Variants in ARHGAP26 observed in about 807,000 individuals in gnomAD.
The protein encoded by ARHGAP26 is Rho GTPase activating protein 26.
A neutral mutation model predicts 104.8 loss-of-function variants in ARHGAP26; 38 were observed. The observed-to-expected ratio is 0.36, with a 90% confidence interval of 0.28 to 0.48. The LOEUF (loss-of-function observed/expected upper bound fraction) is 0.48, where lower values mean the gene tolerates loss of function less well. Among genes scored for constraint, ARHGAP26 ranks in the 20% least tolerant of loss-of-function variants. ARHGAP26 has a pLI of 0.99. For missense variants in ARHGAP26, 704 were observed against 947.9 expected, an observed-to-expected ratio of 0.74 and a Z score of 3.38; for synonymous variants, 341 against 340.0, an observed-to-expected ratio of 1.00 and a Z score of -0.03.
At chr5:142,772,908 T>C in intron 1 of ARHGAP26, 1 of 533,388 alleles carries the variant, frequency 1.9e-6, no homozygotes. Flanking sequence ...AAGAATTCTT[T>C]GGTAGGAAGA....
intron 1 of ARHGAP26, among the ~76,000 whole-genome samples, chr5:142,808,084 A>C (rs1597710698): frequency 6.6e-6 from 1 of 151,818 alleles, no homozygotes; most frequent in Admixed American, 6.6e-5. Flanking sequence ...AAATACAAAA[A>C]ATTAGCCAGG....
rs1036748581 is a variant in ARHGAP26, at chr5:143,228,784, C to G, written c.*6338C>G. Reference sequence around the variant, plus strand: ...TCCAATGCTGTAATTAGAAAGTAATCTGTGACTAGAATAGACCTTTGTCCC... The same window carrying G: ...TCCAATGCTGTAATTAGAAAGTAATGTGTGACTAGAATAGACCTTTGTCCC... On this transcript the variant is annotated 3_prime_UTR_variant, in exon 23 of 23. Coordinates refer to ENST00000645722, the MANE Select transcript of ARHGAP26 (RefSeq NM_001135608.3). 1 of 196,828 alleles carries G rather than the reference C, an allele frequency of 5.1e-6. No homozygotes were observed. Among genetic ancestry groups the G allele is most frequent in the African/African-American group, 2.3e-5 (1 of 43,406 alleles). The allele number at this position is 196,828 out of a possible 1,614,324, so 12.2% of individuals were successfully genotyped here.
At chr5:142,824,189 C>G (rs1335490487) in intron 1 of ARHGAP26, among the ~76,000 whole-genome samples, 1 of 152,124 alleles carries the variant, frequency 6.6e-6, no homozygotes, top group Non-Finnish European at 1.5e-5. Context: ...TGCTCTGTGT[C>G]TTAACAGCTG....
At chr5:143,012,577 T>TATATATATATATATATATATATATATAAA (rs1554195775) in intron 11 of ARHGAP26, among the ~76,000 whole-genome samples, 1 of 19,088 alleles carries the variant, frequency 5.2e-5, no homozygotes, top group South Asian at 1.0e-3. Context: ...ATATATATAT[T>TATATATATATATATATATATATATATAAA]ATGATCAGGT....
intron 10 of ARHGAP26, among the ~76,000 whole-genome samples, chr5:142,914,986 T>A (rs1762291276): frequency 6.6e-6 from 1 of 152,234 alleles, no homozygotes; most frequent in African/African-American, 2.4e-5. Context: ...GAGGGCATGC[T>A]TTGTGTTGCA....
chr5:142,829,374 A>G (rs904238863), intron 1 of ARHGAP26, among the ~76,000 whole-genome samples: 2 of 152,248 alleles, frequency 1.3e-5, no homozygotes, highest in African/African-American at 4.8e-5. Flanking sequence ...GTCAATAGGA[A>G]TGAACCTCAT....
Position 143,040,635 on chromosome 5 carries a change from A to G in ARHGAP26, c.1211-1181A>G, listed in dbSNP as rs964632052. Among the ~76,000 whole-genome samples, 112 of 152,246 alleles carry G rather than the reference A, an allele frequency of 7.4e-4. 1 individual carries two copies. The highest frequency in any genetic ancestry group is 2.4e-3 in the African/African-American group (100 of 41,466). ...CTGCTATAAAGAAAGAAAACAGGGT[A>G]AGGGAATGACCAGTAATGTTGATTG... is the stretch of plus-strand genomic sequence containing the variant. On this transcript the variant is annotated intron_variant, in intron 13 of 22. Transcript: ENST00000645722.
rs1234506984 is a variant in ARHGAP26 at position 142,812,246 on chromosome 5, T to C, written c.154+41331T>C. Among the ~76,000 whole-genome samples, 4 of 152,300 alleles carry C rather than the reference T, an allele frequency of 2.6e-5. 1 individual carries two copies. The highest frequency in any genetic ancestry group is 5.9e-5 in the Non-Finnish European group (4 of 68,026). ...ACTCACTGTAGCATGGTTGGTCTAA[T>C]ACAGAGGTATTTTTTCATATTTTTA... On this transcript the variant is annotated intron_variant, in intron 1 of 22. Coordinates refer to ENST00000645722, the MANE Select transcript of ARHGAP26 (RefSeq NM_001135608.3).
At chr5:142,901,179 G>A (rs59669579) in intron 6 of ARHGAP26, among the ~76,000 whole-genome samples, 62 of 148,890 alleles carry the variant, frequency 4.2e-4, no homozygotes, top group African/African-American at 1.5e-3. Context: ...GACATTAATA[G>A]TTTTTAAGTA....
In ARHGAP26 at chr5:142,885,362, A is replaced by G. The variant is rs781534570; in HGVS notation, c.449A>G (p.Asn150Ser). 1.2e-6 allele frequency: 2 copies of G among 1,613,810 alleles called. No individual in the cohort carries two copies. The highest frequency in any genetic ancestry group is 2.2e-5 in the South Asian group (2 of 91,042). The change falls in exon 5 of 23, where the codon AAT (asparagine) becomes AGT (serine). Residue 150 changes from asparagine to serine, a missense_variant. Coordinates refer to ENST00000645722, the MANE Select transcript of ARHGAP26 (RefSeq NM_001135608.3). Reference protein sequence around the residue: ...KYCGILEKHLNLSSKKKESQL... With the variant: ...KYCGILEKHLSLSSKKKESQL... Reference sequence around the variant, plus strand: ...TGTGGCATCTTAGAAAAACACTTGAATTTGTCTTCCAAAAAGAAAGAATCT... The same window carrying G: ...TGTGGCATCTTAGAAAAACACTTGAGTTTGTCTTCCAAAAAGAAAGAATCT...
chr5:143,157,369 C>G (rs1659183), intron 20 of ARHGAP26, among the ~76,000 whole-genome samples: 35,784 of 151,676 alleles, frequency 0.24, 5,076 homozygotes, highest in East Asian at 0.55. Flanking sequence ...GCAGAGACAG[C>G]GTTTCACCAT....
chr5:142,770,664 G>A lies in ARHGAP26; in HGVS notation c.-98G>A. On this transcript the variant is annotated 5_prime_UTR_variant, in exon 1 of 23. Coordinates refer to ENST00000645722, the MANE Select transcript of ARHGAP26 (RefSeq NM_001135608.3). ...CACACCTGTGGAGCCGGCGGCCGTC[G>A]GGGGAGCCGGCCGGGGTCCCGCCGC... The A allele has an allele frequency of 1.1e-6, 1 of 921,770 alleles. No individual in the cohort carries two copies. The highest frequency in any genetic ancestry group is 1.3e-6 in the Non-Finnish European group (1 of 757,524). The allele number at this position is 921,770 out of a possible 1,614,324, so 57.1% of individuals were successfully genotyped here.
chr5:143,047,525 T>C (rs1784394699), intron 14 of ARHGAP26, among the ~76,000 whole-genome samples: 1 of 152,230 alleles, frequency 6.6e-6, no homozygotes, highest in South Asian at 2.1e-4. Flanking sequence ...TCAAGGTATG[T>C]ACGTGTTTTC....
chr5:142,877,976 T>C (rs1040620585), intron 3 of ARHGAP26, among the ~76,000 whole-genome samples: 1 of 152,086 alleles, frequency 6.6e-6, no homozygotes, highest in East Asian at 1.9e-4. Flanking sequence ...TCAAACAAAT[T>C]AACACCGCAA....
At chr5:142,829,969 G>T (rs1178151632) in intron 1 of ARHGAP26, among the ~76,000 whole-genome samples, 2 of 152,284 alleles carry the variant, frequency 1.3e-5, no homozygotes, top group East Asian at 3.9e-4. Context: ...ATTACTTTGG[G>T]GAGGGCTAAA....
chr5:143,064,037 G>A (rs556569211), intron 17 of ARHGAP26, among the ~76,000 whole-genome samples: 15 of 152,292 alleles, frequency 9.8e-5, no homozygotes, highest in Admixed American at 3.3e-4. Context: ...TTTGGTGGTG[G>A]TGGTATCCTA....
chr5:142,984,256 C>T (rs1774356004), intron 11 of ARHGAP26, among the ~76,000 whole-genome samples: 1 of 152,178 alleles, frequency 6.6e-6, no homozygotes, highest in African/African-American at 2.4e-5. Context: ...GTCTCATTGA[C>T]CAGAACTGTG....
At chr5:143,067,043 C>A (rs904516076) in intron 17 of ARHGAP26, among the ~76,000 whole-genome samples, 1 of 151,902 alleles carries the variant, frequency 6.6e-6, no homozygotes, top group African/African-American at 2.4e-5. Context: ...GCCCCTCCCC[C>A]TCCCGCTTCT....
intron 1 of ARHGAP26, among the ~76,000 whole-genome samples, chr5:142,827,264 G>A (rs1391739344): frequency 6.6e-6 from 1 of 152,116 alleles, no homozygotes; most frequent in African/African-American, 2.4e-5. Context: ...TGTGTCCTGT[G>A]GTCATGGTCT....
Sources: allele counts gnomAD v4.1 joint callset (sites outside exome capture counted in the v4.1 genomes callset), GRCh38; gene constraint gnomAD v4.1.1; transcripts MANE v1.5; gene names NCBI Gene and HGNC (gene_info 2026-07-23, HGNC 2026-07-21).